The following CSMD1 variants were observed in gnomAD, a reference collection of about 807,000 sequenced individuals.
CSMD1 encodes the protein CUB and Sushi multiple domains 1.
Under a neutral mutation model 417.5 loss-of-function variants are expected in CSMD1, and 213 were observed. The ratio of observed to expected loss-of-function variants is 0.51; its 90% CI spans 0.46 to 0.57. The LOEUF is 0.57. Among genes scored for constraint, CSMD1 ranks in the 20% least tolerant of loss-of-function variants. CSMD1 has a pLI of 0.00. For synonymous variants in CSMD1, 2,862 were observed against 1,736.8 expected (o/e 1.65, Z -16.11); for missense variants, 6,923 against 4,529.7 (o/e 1.53, Z -15.17).
intron 1 of CSMD1, among the ~76,000 whole-genome samples, chr8:4,886,560 G>A (rs1803753397): frequency 6.6e-6 from 1 of 151,874 alleles, no homozygotes; most frequent in East Asian, 1.9e-4. Context: ...TTGAAAGTGT[G>A]GATATATTTA....
intron 6 of CSMD1, among the ~76,000 whole-genome samples, chr8:3,719,203 C>A (rs975345559): frequency 6.6e-6 from 1 of 152,110 alleles, no homozygotes; most frequent in Non-Finnish European, 1.5e-5. Flanking sequence ...AAATTTCCTA[C>A]TGGGATTATC....
chr8:3,090,749 G>A (rs1027701107), intron 48 of CSMD1, among the ~76,000 whole-genome samples: 6 of 152,184 alleles, frequency 3.9e-5, no homozygotes, highest in Non-Finnish European at 7.4e-5. Context: ...ATTGCTGAGT[G>A]AGATTTTGAG....
In CSMD1 at chr8:3,308,465, T is replaced by G. The variant is rs2117393759; in HGVS notation, c.3670A>C (p.Asn1224His). 6.2e-7 allele frequency: 1 copy of G among 1,613,596 alleles called. No individual in the cohort carries two copies. ...LVKCEDPGIP[N>H]YGYRIRDEGH... ...TCATCACGGATCCTATAGCCGTAGTTAGGGATGCCCGGATCCTCACATTTT... is the reference window on the plus strand; with the variant it reads ...TCATCACGGATCCTATAGCCGTAGTGAGGGATGCCCGGATCCTCACATTTT... Residue 1224 changes from asparagine to histidine, a missense_variant, in exon 24 of 70, where the codon AAC becomes CAC. By Grantham distance (68) the Asn-to-His change is moderately conservative. Coordinates refer to ENST00000635120, the MANE Select transcript of CSMD1 (RefSeq NM_033225.6).
chr8:4,102,402 C>A (rs13268176), intron 3 of CSMD1, among the ~76,000 whole-genome samples: 1 of 152,020 alleles, frequency 6.6e-6, no homozygotes, highest in Non-Finnish European at 1.5e-5. Context: ...GTTAACCCCT[C>A]TGGAGAATAT....
intron 25 of CSMD1, among the ~76,000 whole-genome samples, chr8:3,290,841 G>T (rs1455318819): frequency 1.3e-5 from 2 of 150,642 alleles, no homozygotes; most frequent in Non-Finnish European, 2.9e-5. Flanking sequence ...TAATTGCCCT[G>T]GCCGGAACTT....
chr8:3,773,536 C>T (rs191448091), intron 5 of CSMD1, among the ~76,000 whole-genome samples: 6 of 152,270 alleles, frequency 3.9e-5, no homozygotes, highest in African/African-American at 1.4e-4. Context: ...ATCCTCCCAC[C>T]TTGGCCTCCC....
intron 52 of CSMD1, among the ~76,000 whole-genome samples, chr8:3,000,947 G>C (rs941744821): frequency 6.6e-6 from 1 of 151,988 alleles, no homozygotes; most frequent in African/African-American, 2.4e-5. Context: ...CATGGAGACA[G>C]ACCCTCTGAC....
At chr8:3,539,402 G>A (rs186277123) in intron 10 of CSMD1, among the ~76,000 whole-genome samples, 34 of 152,212 alleles carry the variant, frequency 2.2e-4, no homozygotes, top group Admixed American at 2.0e-3. Context: ...TTTGTTTCCA[G>A]GCTAATGCCT....
At chr8:4,877,523 C>G (rs527277695) in intron 1 of CSMD1, among the ~76,000 whole-genome samples, 75 of 152,156 alleles carry the variant, frequency 4.9e-4, no homozygotes, top group Middle Eastern at 3.4e-3. Flanking sequence ...AAACTTCCTC[C>G]TAGTTCTTCT....
rs748811257 is a variant in CSMD1, at chr8:2,965,763, C to G, written c.9280+12G>C. 6 of 1,591,822 alleles carry G rather than the reference C, an allele frequency of 3.8e-6. No homozygotes were observed. In the East Asian group the frequency reaches 1.1e-4, roughly 30 times the overall value. ...TACACATCTGTAAAATCCAAAGAGT[C>G]ACCAAACAAACCTTTGCAGACAGGT... On this transcript the variant is annotated intron_variant, in intron 59 of 69. Coordinates refer to ENST00000635120, the MANE Select transcript of CSMD1 (RefSeq NM_033225.6).
chr8:3,359,541 T>A (rs1371382958), intron 20 of CSMD1, among the ~76,000 whole-genome samples: 1 of 106,566 alleles, frequency 9.4e-6, no homozygotes, highest in Admixed American at 8.9e-5. Context: ...GGATTTAGTA[T>A]TTTTTTTTTT....
At chr8:4,054,912 T>G (rs566284355) in intron 3 of CSMD1, among the ~76,000 whole-genome samples, 3 of 152,154 alleles carry the variant, frequency 2.0e-5, no homozygotes, top group Admixed American at 2.0e-4. Context: ...CCCTGAGCTC[T>G]GGGGTTTCTC....
At chr8:3,006,591 C>T (rs1176056576) in intron 52 of CSMD1, among the ~76,000 whole-genome samples, 3 of 150,654 alleles carry the variant, frequency 2.0e-5, no homozygotes, top group African/African-American at 7.4e-5. Context: ...ATCAATGGAA[C>T]AGAACAGAGC....
chr8:4,557,614 G>T (rs1798152414), intron 2 of CSMD1, among the ~76,000 whole-genome samples: 1 of 151,870 alleles, frequency 6.6e-6, no homozygotes, highest in Admixed American at 6.6e-5. Context: ...GGTGGGGGAA[G>T]GGGGACAGCA....
At chr8:3,669,587 C>T (rs1378569142) in intron 7 of CSMD1, among the ~76,000 whole-genome samples, 2 of 152,186 alleles carry the variant, frequency 1.3e-5, no homozygotes, top group Non-Finnish European at 2.9e-5. Context: ...TGAGACTCTT[C>T]CGGACAGAAA....
intron 41 of CSMD1, among the ~76,000 whole-genome samples, chr8:3,132,039 G>A (rs1817821058): frequency 6.6e-6 from 1 of 152,146 alleles, no homozygotes. Context: ...ACCTTTGGTA[G>A]CCATAATGCC....
chr8:3,033,924 G>C lies in CSMD1; in HGVS notation c.7661-4411C>G, dbSNP rs149344777. 6.6e-3 allele frequency among the ~76,000 whole-genome samples: 1,012 copies of C among 152,324 alleles called. 12 individuals are homozygous for C. The highest frequency in any genetic ancestry group is 0.023 in the African/African-American group (946 of 41,572). On this transcript the variant is annotated intron_variant, in intron 50 of 69. Transcript: ENST00000635120. Reference sequence around the variant, plus strand: ...GAGGATGTGGTTGTAACAAGGAGTTGAGTCTCAGCTCATCACAGCAGCCTT... The same window carrying C: ...GAGGATGTGGTTGTAACAAGGAGTTCAGTCTCAGCTCATCACAGCAGCCTT...
intron 1 of CSMD1, among the ~76,000 whole-genome samples, chr8:4,923,679 G>A (rs1001103228): frequency 2.0e-5 from 3 of 152,060 alleles, no homozygotes; most frequent in East Asian, 1.9e-4. Flanking sequence ...ACCTATCCAC[G>A]GAGAGCACTC....
chr8:4,540,699 T>C (rs1752802419), intron 2 of CSMD1, among the ~76,000 whole-genome samples: 1 of 152,324 alleles, frequency 6.6e-6, no homozygotes, highest in African/African-American at 2.4e-5. Context: ...CTGAGTTCAC[T>C]GTAACTGCGG....
Sources: gnomAD v4.1 joint callset for allele counts (sites outside exome capture counted in the v4.1 genomes callset) on GRCh38, gnomAD v4.1.1 for gene constraint, MANE v1.5 for transcripts, NCBI Gene and HGNC (gene_info 2026-07-23, HGNC 2026-07-21) for gene names.